The following CNOT10 variants were observed in gnomAD, a reference collection of about 807,000 sequenced individuals.
CNOT10 encodes CCR4-NOT transcription complex subunit 10.
In CNOT10, 30 loss-of-function variants were observed where a neutral mutation model predicts 94.6. The ratio of observed to expected loss-of-function variants is 0.32; its 90% CI spans 0.24 to 0.43. CNOT10 has a LOEUF of 0.43. Among genes scored for constraint, CNOT10 ranks in the 20% least tolerant of loss-of-function variants. The pLI is 1.00. For synonymous variants in CNOT10, 289 were observed against 301.6 expected (o/e 0.96, Z 0.43); for missense variants, 759 against 877.2 (o/e 0.87, Z 1.70).
intron 12 of CNOT10, among the ~76,000 whole-genome samples, 189 bp from the exon 13 acceptor site, chr3:32,737,221 G>A (rs6796091): frequency 0.061 from 9,323 of 151,884 alleles, 330 homozygotes; most frequent in African/African-American, 0.09. Context: ...AGGCTGAGGC[G>A]GGAGAATCAC....
chr3:32,716,049 C>T (rs112510335), intron 5 of CNOT10, 176 bp from the exon 6 acceptor site: 19 of 439,194 alleles, frequency 4.3e-5, no homozygotes, highest in African/African-American at 2.5e-4. Context: ...TCAAGCGATC[C>T]GCCCGCCTCT....
chr3:32,688,165 C>T (rs948134959), intron 1 of CNOT10, among the ~76,000 whole-genome samples: 1 of 152,098 alleles, frequency 6.6e-6, no homozygotes, highest in East Asian at 1.9e-4. Flanking sequence ...AAATATTCAC[C>T]AATGGCCTGT....
At chr3:32,766,847 T>C (rs940583854) in intron 17 of CNOT10, among the ~76,000 whole-genome samples, 1 of 152,146 alleles carries the variant, frequency 6.6e-6, no homozygotes, top group African/African-American at 2.4e-5. Context: ...TCATGGGCAT[T>C]GAGCCATACC....
chr3:32,723,005 A>G (rs1345996917), intron 8 of CNOT10, among the ~76,000 whole-genome samples: 2 of 152,210 alleles, frequency 1.3e-5, no homozygotes, highest in African/African-American at 2.4e-5. Flanking sequence ...AGTGCTAAAC[A>G]ATAAATATCC....
At chr3:32,704,707 A>G in intron 2 of CNOT10, 104 bp from the exon 3 acceptor site, 2 of 1,290,756 alleles carry the variant, frequency 1.5e-6, no homozygotes, top group Non-Finnish European at 2.1e-6. Flanking sequence ...CTTTCTTTTT[A>G]AGAACTTTTA....
chr3:32,704,512 A>C (rs1697522444), intron 2 of CNOT10, among the ~76,000 whole-genome samples: 1 of 152,110 alleles, frequency 6.6e-6, no homozygotes. Flanking sequence ...ACCTTTCTTG[A>C]CTAGCCTCAG....
rs558739349 is a variant in CNOT10, at chr3:32,708,489, A to G, written c.280-181A>G. On this transcript the variant is annotated intron_variant, in intron 3 of 18. Transcript: ENST00000328834. ...CCTAAAATTTTATTATGTGTGGCAC[A>G]GAAGAATGAAAATAATTTTTAGTAT... Among the ~76,000 whole-genome samples, 15 of 152,372 alleles carry G rather than the reference A, an allele frequency of 9.8e-5. No individual in the cohort carries two copies. In the South Asian group the frequency reaches 2.9e-3, roughly 29 times the overall value.
intron 5 of CNOT10, among the ~76,000 whole-genome samples, chr3:32,714,044 C>G (rs74997840): frequency 0.039 from 5,974 of 152,146 alleles, 185 homozygotes; most frequent in African/African-American, 0.079. Context: ...GGAATAGAAT[C>G]ACTGGGTTAT....
chr3:32,744,546 T>C (rs2125598394), intron 13 of CNOT10, among the ~76,000 whole-genome samples: 1 of 152,316 alleles, frequency 6.6e-6, no homozygotes, highest in Middle Eastern at 3.4e-3. Flanking sequence ...AGAAGGCAGA[T>C]AATAATTAAA....
At chr3:32,723,684 GACAA>G (rs1234647167) in intron 8 of CNOT10, among the ~76,000 whole-genome samples, 3 of 152,126 alleles carry the variant, frequency 2.0e-5, no homozygotes, top group African/African-American at 7.2e-5. Flanking sequence ...CGAAACAAAT[GACAA>G]ACAGAGGTGG....
At position 32,685,395 on chromosome 3, in the gene CNOT10, G is replaced by T; in HGVS notation, c.-66G>T. ...TTGTCCTCGGAGGTCCAGGACAGCG[G>T]CCAGCCCGGCGGCGGGAGTCAGGGC... On this transcript the variant is annotated 5_prime_UTR_variant, in exon 1 of 19. Coordinates refer to ENST00000328834, the MANE Select transcript of CNOT10 (RefSeq NM_015442.3). 6.5e-7 allele frequency: 1 copy of T among 1,542,380 alleles called. No individual in the cohort carries two copies.
At chr3:32,685,789 C>T (rs1696569256) in intron 1 of CNOT10, among the ~76,000 whole-genome samples, 1 of 152,156 alleles carries the variant, frequency 6.6e-6, no homozygotes, top group African/African-American at 2.4e-5. Context: ...TCCGCTTCTT[C>T]GTGGGAAAAG....
intron 3 of CNOT10, 107 bp downstream of exon 3, chr3:32,705,079 A>G: frequency 1.3e-6 from 1 of 770,440 alleles, no homozygotes; most frequent in Non-Finnish European, 2.0e-6. Context: ...ATTTCTTGTC[A>G]GAAACATTTG....
chr3:32,744,506 C>A (rs1699610983), intron 13 of CNOT10, among the ~76,000 whole-genome samples: 1 of 152,050 alleles, frequency 6.6e-6, no homozygotes, highest in African/African-American at 2.4e-5. Flanking sequence ...CAAAAAATTT[C>A]ATTCTAACCA....
chr3:32,701,103 C>T (rs1009224525), intron 1 of CNOT10, among the ~76,000 whole-genome samples: 2 of 151,984 alleles, frequency 1.3e-5, no homozygotes, highest in African/African-American at 4.8e-5. Flanking sequence ...GGCAAAACCC[C>T]GTCTCTACTA....
At chr3:32,754,489 A>AAAAAATATATAT (rs77878221) in intron 13 of CNOT10, among the ~76,000 whole-genome samples, 31 of 70,192 alleles carry the variant, frequency 4.4e-4, no homozygotes, top group African/African-American at 7.7e-4. Flanking sequence ...AAAAAAAAAA[A>AAAAAATATATAT]ATACATATAT....
chr3:32,753,115 GTC>G (rs1700036066), intron 13 of CNOT10: 1 of 561,644 alleles, frequency 1.8e-6, no homozygotes. Context: ...ATGCAAAGAA[GTC>G]TCTCGAATTC....
rs894592509 is a variant in CNOT10, at chr3:32,743,280, C to G, written c.1595+5790C>G. 3.4e-4 allele frequency among the ~76,000 whole-genome samples: 51 copies of G among 152,032 alleles called. 1 individual carries two copies. The highest frequency in any genetic ancestry group is 1.1e-3 in the African/African-American group (46 of 41,410). ...GGCATTACAGGCATGAGCCACCCAC[C>G]CAGCTTAATGAGTACTAATCTTAGG... is the stretch of plus-strand genomic sequence containing the variant. On this transcript the variant is annotated intron_variant, in intron 13 of 18. Coordinates refer to ENST00000328834, the MANE Select transcript of CNOT10 (RefSeq NM_015442.3).
intron 13 of CNOT10, among the ~76,000 whole-genome samples, chr3:32,754,552 C>G (rs1254007783): frequency 3.3e-5 from 3 of 90,906 alleles, no homozygotes; most frequent in African/African-American, 9.4e-5. Context: ...CGGAGTCTTG[C>G]TCTGTTTTCC....
Sources: allele counts gnomAD v4.1 joint callset (sites outside exome capture counted in the v4.1 genomes callset), GRCh38; gene constraint gnomAD v4.1.1; transcripts MANE v1.5; gene names NCBI Gene and HGNC (gene_info 2026-07-23, HGNC 2026-07-21).